The following AK2 variants were observed in gnomAD, a reference collection of about 807,000 sequenced individuals.
AK2 encodes the protein adenylate kinase 2.
AK2 carries 15 observed loss-of-function variants against 24.6 expected under a neutral mutation model. That is an observed-to-expected ratio of 0.61 (90% CI 0.41 to 0.94). AK2 has a LOEUF of 0.94. AK2 is among the 40% of genes least tolerant of loss of function. The pLI is 0.00. For missense variants in AK2, 257 were observed against 304.1 expected, an observed-to-expected ratio of 0.85 and a Z score of 1.15; for synonymous variants, 102 against 114.0, an observed-to-expected ratio of 0.90 and a Z score of 0.67.
At chr1:33,025,092 G>A (rs578183243) in intron 1 of AK2, among the ~76,000 whole-genome samples, 2 of 150,206 alleles carry the variant, frequency 1.3e-5, no homozygotes, top group Admixed American at 1.4e-4. Context: ...GGCTGAGGTA[G>A]GAGAATTATT....
At chr1:33,026,943 T>C (rs1421807728) in intron 1 of AK2, among the ~76,000 whole-genome samples, 1 of 151,780 alleles carries the variant, frequency 6.6e-6, no homozygotes, top group Non-Finnish European at 1.5e-5. Flanking sequence ...CTGGCCAACA[T>C]GGTGAAACCC....
intron 1 of AK2, among the ~76,000 whole-genome samples, chr1:33,024,933 C>T (rs1356374844): frequency 4.6e-5 from 7 of 152,102 alleles, no homozygotes; most frequent in Non-Finnish European, 1.0e-4. Context: ...ACGCCTATAA[C>T]CCCAGCACTT....
At chr1:33,024,166 G>C in intron 2 of AK2, 1 of 395,070 alleles carries the variant, frequency 2.5e-6, no homozygotes, top group Non-Finnish European at 4.8e-6. Flanking sequence ...GCGAGACTTT[G>C]TCAAAAAAAA....
At chr1:33,036,596 A>G (rs1640593216) in intron 1 of AK2, 140 bp downstream of exon 1, 1 of 793,448 alleles carries the variant, frequency 1.3e-6, no homozygotes, top group Admixed American at 2.1e-5. Flanking sequence ...ATGCCCCACC[A>G]GAACCGAGAC....
At position 33,012,010 on chromosome 1, in the gene AK2, C is replaced by G. The variant is rs375370233; in HGVS notation, c.*1171G>C. 145 of 1,535,280 alleles carry G rather than the reference C, an allele frequency of 9.4e-5. No homozygotes were observed. The East Asian group carries it at 2.6e-3, about 27-fold the overall frequency. Reference sequence around the variant, plus strand: ...TCAAAATGAATCCAAGAATAGATCACACACTGTTTTGTTCACACTTGGAAA... The same window carrying G: ...TCAAAATGAATCCAAGAATAGATCAGACACTGTTTTGTTCACACTTGGAAA... On this transcript the variant is annotated 3_prime_UTR_variant, in exon 6 of 6. Coordinates refer to ENST00000672715, the MANE Select transcript of AK2 (RefSeq NM_001625.4).
chr1:33,013,423 A>C lies in AK2; in HGVS notation c.499-21T>G, dbSNP rs560893437. On this transcript the variant is annotated intron_variant, in intron 5 of 5. Transcript: ENST00000672715. ...GTGATCTGAGAACAGGAAGACAGCAATGAAAGGCTGGGACTGTTAGCAAGG... is the reference window on the plus strand; with the variant it reads ...GTGATCTGAGAACAGGAAGACAGCACTGAAAGGCTGGGACTGTTAGCAAGG... 5 of 1,608,710 alleles carry C rather than the reference A, an allele frequency of 3.1e-6. No individual in the cohort carries two copies. In the Admixed American group the frequency reaches 5.1e-5, roughly 16 times the overall value.
chr1:33,024,449 C>CCAG lies in AK2; in HGVS notation c.209_211dup (p.Ala70dup), dbSNP rs1639746981. 3 of 1,613,902 alleles carry CCAG rather than the reference C, an allele frequency of 1.9e-6. No homozygotes were observed. The highest frequency in any genetic ancestry group is 2.5e-6 in the Non-Finnish European group (3 of 1,180,032). On this transcript the variant is annotated inframe_insertion, in exon 2 of 6. Transcript: ENST00000672715. The stretch of plus-strand genomic sequence containing the variant: ...TGGTACCACCAAACCTACCAGTTTC[C>CCAG]CAGCATCCATAGTTGCCTTCAGCTT...
intron 1 of AK2, chr1:33,032,058 T>C (rs2124382225): frequency 5.5e-6 from 1 of 182,716 alleles, no homozygotes; most frequent in East Asian, 1.5e-4. Flanking sequence ...GCACATAAAA[T>C]ACTGAGTTAC....
Position 33,028,965 on chromosome 1 carries a change from C to G in AK2, c.94-4398G>C, listed in dbSNP as rs75126482. Among the ~76,000 whole-genome samples, 539 of 152,234 alleles carry G rather than the reference C, an allele frequency of 3.5e-3. 22 individuals carry two copies. In the East Asian group the frequency reaches 0.092, roughly 26 times the overall value. On this transcript the variant is annotated intron_variant, in intron 1 of 5. Coordinates refer to ENST00000672715, the MANE Select transcript of AK2 (RefSeq NM_001625.4). ...AGTGGTATAGATCTGGGTTAGGAAA[C>G]GGGCTCTACCGTTTATTCACTGTGT...
downstream of AK2, chr1:33,007,959 T>C (rs1217768929): frequency 2.2e-6 from 1 of 451,668 alleles, no homozygotes; most frequent in Non-Finnish European, 4.4e-6. Flanking sequence ...TCGAGGAGAA[T>C]AAATGAGATA....
intron 4 of AK2, among the ~76,000 whole-genome samples, chr1:33,016,115 C>A (rs1639168876): frequency 6.6e-6 from 1 of 152,006 alleles, no homozygotes; most frequent in Non-Finnish European, 1.5e-5. Flanking sequence ...TTCCAGGAGC[C>A]CCCTCTGTGG....
In AK2 at chr1:33,009,275, A is replaced by C. The variant is rs1638654837; in HGVS notation, c.*3906T>G. 1 of 454,110 alleles carries C rather than the reference A, an allele frequency of 2.2e-6. No individual in the cohort carries two copies. The highest frequency in any genetic ancestry group is 4.4e-6 in the Non-Finnish European group (1 of 226,782). 28.1% of individuals were successfully genotyped at this position (454,110 alleles called of 1,614,324 possible). ...AAGGCAGCCCTTCCAAAAACATGAG[A>C]GCTTTAGTTTGGAGAAATTATTTAA... On this transcript the variant is annotated 3_prime_UTR_variant, in exon 6 of 6. Transcript: ENST00000672715.
chr1:33,008,951 C>T lies in AK2; in HGVS notation c.*4230G>A. 2.2e-6 allele frequency: 1 copy of T among 454,062 alleles called. No individual in the cohort carries two copies. 28.1% of individuals were successfully genotyped at this position (454,062 alleles called of 1,614,324 possible). ...TTGCAGGTTGGTTTGACAAACATTT[C>T]CCCACAATTAGATGCATGATGACCA... On this transcript the variant is annotated 3_prime_UTR_variant, in exon 6 of 6. Transcript: ENST00000672715.
rs1477118720 is a variant in AK2 at position 33,028,898 on chromosome 1, A to G, written c.94-4331T>C. Among the ~76,000 whole-genome samples the G allele has an allele frequency of 2.0e-5, 3 of 152,292 alleles. No individual in the cohort carries two copies. The East Asian group carries it at 5.8e-4, about 29-fold the overall frequency. On this transcript the variant is annotated intron_variant, in intron 1 of 5. Transcript: ENST00000672715. ...CAGCACCTCAGGTTCTGATGGGTAC[A>G]GTATGTGAAGCCCTGATGTAGTGGC...
chr1:33,030,507 C>T (rs535423698), intron 1 of AK2, among the ~76,000 whole-genome samples: 1 of 152,080 alleles, frequency 6.6e-6, no homozygotes, highest in African/African-American at 2.4e-5. Context: ...TGAACTATGA[C>T]CGTGCCATTG....
At chr1:33,031,706 G>C in intron 1 of AK2, 2 of 455,936 alleles carry the variant, frequency 4.4e-6, no homozygotes, top group South Asian at 3.1e-5. Context: ...GATGTTGCAA[G>C]TATCACTGCA....
At position 33,012,175 on chromosome 1, in the gene AK2, T is replaced by G; in HGVS notation, c.*1006A>C. On this transcript the variant is annotated 3_prime_UTR_variant, in exon 6 of 6. Coordinates refer to ENST00000672715, the MANE Select transcript of AK2 (RefSeq NM_001625.4). The stretch of plus-strand genomic sequence containing the variant: ...CAAAAGGACCTTTCACCTGGTTTAA[T>G]TCTCTGGCAACAATTCAGTTTTCAA... 1 of 1,535,476 alleles carries G rather than the reference T, an allele frequency of 6.5e-7. No homozygotes were observed. The highest frequency in any genetic ancestry group is 8.7e-7 in the Non-Finnish European group (1 of 1,146,724).
At chr1:33,020,169 A>G in intron 4 of AK2, 1 of 1,526,894 alleles carries the variant, frequency 6.5e-7, no homozygotes, top group Non-Finnish European at 8.8e-7. Context: ...ATGCTATTAC[A>G]GAGAAACAAA....
At chr1:33,033,170 AAAAG>A (rs199833949) in intron 1 of AK2, among the ~76,000 whole-genome samples, 30,605 of 149,006 alleles carry the variant, frequency 0.21, 3,636 homozygotes, top group Admixed American at 0.34. Flanking sequence ...AAAAAAAAAA[AAAAG>A]AAAAGAAAAA....
Sources: allele counts gnomAD v4.1 joint callset (sites outside exome capture counted in the v4.1 genomes callset), GRCh38; gene constraint gnomAD v4.1.1; transcripts MANE v1.5; gene names NCBI Gene and HGNC (gene_info 2026-07-23, HGNC 2026-07-21).